Variants in COL23A1 observed in about 807,000 individuals in gnomAD.
COL23A1 encodes collagen alpha-1(XXIII) chain.
COL23A1 carries 97 observed loss-of-function variants against 99.3 expected under a neutral mutation model. The observed-to-expected ratio is 0.98, with a 90% CI of 0.83 to 1.16. The LOEUF (loss-of-function observed/expected upper bound fraction) is 1.16, where lower values mean the gene tolerates loss of function less well. Ranked by LOEUF, COL23A1 falls within the 50% of genes most tolerant of loss-of-function variation. The probability of loss-of-function intolerance (pLI) is 0.00; values close to 1 mark genes in which losing one functional copy is unlikely to be tolerated. For synonymous variants in COL23A1, 320 were observed against 308.2 expected, an observed-to-expected ratio of 1.04 and a Z score of -0.40; for missense variants, 762 against 757.4, an observed-to-expected ratio of 1.01 and a Z score of -0.07.
intron 5 of COL23A1, among the ~76,000 whole-genome samples, chr5:178,285,259 G>A (rs1355216211): frequency 2.0e-5 from 3 of 152,018 alleles, no homozygotes; most frequent in Admixed American, 6.6e-5. Context: ...GAAAAGCACC[G>A]ACAGTCTCCA....
chr5:178,484,416 CAG>C (rs764493502), intron 2 of COL23A1, among the ~76,000 whole-genome samples: 2 of 152,200 alleles, frequency 1.3e-5, no homozygotes, highest in Non-Finnish European at 2.9e-5. Context: ...ATTTACCCCA[CAG>C]AGTTAGCTGT....
chr5:178,389,036 T>C (rs1157869165), intron 2 of COL23A1, among the ~76,000 whole-genome samples: 1 of 152,178 alleles, frequency 6.6e-6, no homozygotes, highest in East Asian at 1.9e-4. Context: ...GGCTAAAATT[T>C]ACACTCCTTA....
At position 178,302,164 on chromosome 5, in the gene COL23A1, CA is replaced by C. The variant is rs1335597069; in HGVS notation, c.406+4710del. On this transcript the variant is annotated intron_variant, in intron 3 of 28. Coordinates refer to ENST00000390654, the MANE Select transcript of COL23A1 (RefSeq NM_173465.4). ...ATCCACCTGTGTGTGCGCCGGAGCA[CA>C]GCTTCAATGCTGCACCTCTGTGTGT... Among the ~76,000 whole-genome samples, 31 of 79,298 alleles carry C rather than the reference CA, an allele frequency of 3.9e-4. 1 individual carries two copies. The highest frequency in any genetic ancestry group is 6.3e-4 in the Admixed American group (6 of 9,564). 52.0% of individuals were successfully genotyped at this position (79,298 alleles called of 152,430 possible). A position where few individuals can be genotyped will look rare whatever the true frequency, so the allele number is the denominator to read the frequency against.
intron 2 of COL23A1, among the ~76,000 whole-genome samples, chr5:178,400,137 C>T (rs1159978164): frequency 6.6e-6 from 1 of 151,946 alleles, no homozygotes; most frequent in African/African-American, 2.4e-5. Flanking sequence ...GAGGCTGAGG[C>T]GGGTGGATCA....
chr5:178,327,514 T>G (rs540600697), intron 2 of COL23A1, among the ~76,000 whole-genome samples: 1 of 152,284 alleles, frequency 6.6e-6, no homozygotes, highest in East Asian at 1.9e-4. Context: ...AGGAATGGTC[T>G]TCTGGAATGG....
At chr5:178,335,427 C>T (rs1357680357) in intron 2 of COL23A1, among the ~76,000 whole-genome samples, 8 of 151,806 alleles carry the variant, frequency 5.3e-5, no homozygotes, top group South Asian at 4.2e-4. Flanking sequence ...CCCCCTGCGC[C>T]GGGAGAAGGA....
chr5:178,433,877 T>C lies in COL23A1; in HGVS notation c.361+126805A>G, dbSNP rs573602772. On this transcript the variant is annotated intron_variant, in intron 2 of 28. Transcript: ENST00000390654. ...GTGATTAAGTTAAAATGAGGTCGTG[T>C]GTCCTAATCCAACAGGACTGGTGTC... is the stretch of plus-strand genomic sequence containing the variant. Among the ~76,000 whole-genome samples the C allele has an allele frequency of 2.0e-5, 3 of 152,320 alleles. No homozygotes were observed. In the South Asian group the frequency reaches 6.2e-4, roughly 32 times the overall value.
At chr5:178,560,634 A>G (rs1762508271) in intron 2 of COL23A1, 48 bp downstream of exon 2, 18 of 1,564,844 alleles carry the variant, frequency 1.2e-5, no homozygotes, top group Non-Finnish European at 1.6e-5. Flanking sequence ...ATCCCAAGCA[A>G]ACGGCGGCCG....
At chr5:178,519,198 CCT>C (rs1759805722) in intron 2 of COL23A1, among the ~76,000 whole-genome samples, 1 of 152,258 alleles carries the variant, frequency 6.6e-6, no homozygotes, top group African/African-American at 2.4e-5. Context: ...TATCATCTTC[CCT>C]CTCTGCCCGC....
intron 1 of COL23A1, among the ~76,000 whole-genome samples, chr5:178,570,696 G>C (rs997552231): frequency 2.0e-5 from 3 of 152,168 alleles, no homozygotes; most frequent in Admixed American, 1.3e-4. Flanking sequence ...AGTGATCTTT[G>C]AGACAGGCAA....
At chr5:178,526,738 C>A (rs1228689464) in intron 2 of COL23A1, among the ~76,000 whole-genome samples, 1 of 152,134 alleles carries the variant, frequency 6.6e-6, no homozygotes, top group Non-Finnish European at 1.5e-5. Context: ...AGGACCTGAG[C>A]CCCGAATGTG....
Position 178,310,635 on chromosome 5 carries a change from G to A in COL23A1, c.362-3716C>T, listed in dbSNP as rs1000689030. Among the ~76,000 whole-genome samples the A allele has an allele frequency of 7.2e-5, 11 of 152,140 alleles. 1 individual carries two copies. Among genetic ancestry groups the A allele is most frequent in the East Asian group, 1.9e-4 (1 of 5,162 alleles). On this transcript the variant is annotated intron_variant, in intron 2 of 28. Coordinates refer to ENST00000390654, the MANE Select transcript of COL23A1 (RefSeq NM_173465.4). This position sits in a 1 kb window ranked among gnomAD's most constrained non-coding sequence, Gnocchi z 4.3. ...CCATATGCTGAGCTACCGGGCAGGC[G>A]GCCTTGGCGACCAGGGAGGCTGTTC... is the stretch of plus-strand genomic sequence containing the variant.
At chr5:178,408,179 T>G (rs1293961380) in intron 2 of COL23A1, among the ~76,000 whole-genome samples, 1 of 152,166 alleles carries the variant, frequency 6.6e-6, no homozygotes, top group East Asian at 1.9e-4. Context: ...GGCAAACATT[T>G]TTTCAAGTGC....
intron 2 of COL23A1, among the ~76,000 whole-genome samples, chr5:178,536,600 C>T (rs1253970731): frequency 6.6e-6 from 1 of 152,230 alleles, no homozygotes; most frequent in African/African-American, 2.4e-5. Context: ...CCTCCCAAGC[C>T]TGATGGCCTC....
Position 178,365,902 on chromosome 5 carries a change from A to T in COL23A1, c.362-58983T>A, listed in dbSNP as rs1178073014. ...GGCCTGGGAACATCTGGAGTCAGTG[A>T]ACACAGCAGGAAGGGGGGATGGTCA... On this transcript the variant is annotated intron_variant, in intron 2 of 28. Coordinates refer to ENST00000390654, the MANE Select transcript of COL23A1 (RefSeq NM_173465.4). This position sits in a 1 kb window ranked among gnomAD's most constrained non-coding sequence, Gnocchi z 5.2. Among the ~76,000 whole-genome samples, 1 of 152,102 alleles carries T rather than the reference A, an allele frequency of 6.6e-6. No individual in the cohort carries two copies. The highest frequency in any genetic ancestry group is 1.5e-5 in the Non-Finnish European group (1 of 67,992).
chr5:178,480,977 C>G (rs1757300874), intron 2 of COL23A1, among the ~76,000 whole-genome samples: 1 of 151,762 alleles, frequency 6.6e-6, no homozygotes, highest in Non-Finnish European at 1.5e-5. Flanking sequence ...GAAACCTTGT[C>G]TCTATTAAAA....
At chr5:178,464,922 C>T (rs1581439052) in intron 2 of COL23A1, among the ~76,000 whole-genome samples, 1 of 152,216 alleles carries the variant, frequency 6.6e-6, no homozygotes, top group East Asian at 1.9e-4. Flanking sequence ...AAGTCTTCAG[C>T]TCTAAGCTCA....
intron 2 of COL23A1, among the ~76,000 whole-genome samples, chr5:178,321,444 T>A (rs964961895): frequency 1.3e-5 from 2 of 150,660 alleles, no homozygotes; most frequent in Admixed American, 6.6e-5. Flanking sequence ...TCAAGGTCCA[T>A]CCATGTTATA....
At chr5:178,507,811 G>A (rs1257056918) in intron 2 of COL23A1, among the ~76,000 whole-genome samples, 1 of 152,136 alleles carries the variant, frequency 6.6e-6, no homozygotes, top group Non-Finnish European at 1.5e-5. Context: ...ATTTCTTTTT[G>A]TTTATCGTAT....
Sources: allele counts gnomAD v4.1 joint callset (sites outside exome capture counted in the v4.1 genomes callset), GRCh38; gene constraint gnomAD v4.1.1; non-coding constraint Gnocchi (gnomAD v3.1); transcripts MANE v1.5; gene names NCBI Gene and HGNC (gene_info 2026-07-23, HGNC 2026-07-21).